Variants in TUBGCP3 observed in about 807,000 individuals in gnomAD.
The protein encoded by TUBGCP3 is gamma-tubulin complex component 3.
Under a neutral mutation model 123.1 loss-of-function variants are expected in TUBGCP3, and 50 were observed. The ratio of observed to expected loss-of-function variants is 0.41; its 90% CI spans 0.32 to 0.51. TUBGCP3 has a LOEUF of 0.51. Among genes scored for constraint, TUBGCP3 ranks in the 20% least tolerant of loss-of-function variants. The probability of loss-of-function intolerance (pLI) is 0.36; values close to 1 mark genes in which losing one functional copy is unlikely to be tolerated. For synonymous variants in TUBGCP3, 405 were observed against 413.9 expected (o/e 0.98, Z 0.26); for missense variants, 882 against 1,127.0 (o/e 0.78, Z 3.11).
intron 1 of TUBGCP3, among the ~76,000 whole-genome samples, chr13:112,580,515 T>A (rs769899491): frequency 5.9e-5 from 9 of 152,010 alleles, no homozygotes; most frequent in African/African-American, 1.4e-4. Context: ...TAATAAATTT[T>A]AAAAAAAGGA....
At chr13:112,589,850 T>C (rs1368936758), upstream of TUBGCP3, among the ~76,000 whole-genome samples, 2 of 152,206 alleles carry the variant, frequency 1.3e-5, no homozygotes, top group Non-Finnish European at 1.5e-5. Flanking sequence ...GTTAGATTTT[T>C]ATGTAAAATT....
chr13:112,521,395 C>G (rs1876610827), intron 14 of TUBGCP3, among the ~76,000 whole-genome samples: 1 of 152,212 alleles, frequency 6.6e-6, no homozygotes, highest in Admixed American at 6.5e-5. Flanking sequence ...ATGTAAGAGC[C>G]TGCATGTCTC....
At chr13:112,542,631 A>G (rs1693047358) in intron 11 of TUBGCP3, among the ~76,000 whole-genome samples, 2 of 152,206 alleles carry the variant, frequency 1.3e-5, no homozygotes, top group Non-Finnish European at 2.9e-5. Flanking sequence ...ATGTATATGT[A>G]TTTTAACATT....
At chr13:112,517,949 T>C (rs1453562931) in intron 16 of TUBGCP3, among the ~76,000 whole-genome samples, 1 of 152,218 alleles carries the variant, frequency 6.6e-6, no homozygotes, top group African/African-American at 2.4e-5. Flanking sequence ...TTTTGCATTG[T>C]AACTATTTTA....
At chr13:112,538,393 C>T (rs1878243587) in intron 11 of TUBGCP3, among the ~76,000 whole-genome samples, 1 of 152,208 alleles carries the variant, frequency 6.6e-6, no homozygotes, top group African/African-American at 2.4e-5. Context: ...GTTTATCCTA[C>T]TTTTGAGAGT....
At chr13:112,490,840 T>C (rs1188382484) in intron 20 of TUBGCP3, among the ~76,000 whole-genome samples, 1 of 152,250 alleles carries the variant, frequency 6.6e-6, no homozygotes, top group African/African-American at 2.4e-5. Context: ...TCAGCACAGC[T>C]GACCTGACGC....
At chr13:112,489,943 C>T in intron 20 of TUBGCP3, 1 of 531,724 alleles carries the variant, frequency 1.9e-6, no homozygotes, top group South Asian at 2.6e-5. Flanking sequence ...TTTTTAATAT[C>T]ACATTGTATA....
At chr13:112,584,416 C>G (rs754879369) in intron 1 of TUBGCP3, among the ~76,000 whole-genome samples, 2 of 152,176 alleles carry the variant, frequency 1.3e-5, no homozygotes, top group Non-Finnish European at 2.9e-5. Flanking sequence ...TAATGTATAT[C>G]TTAATATACA....
chr13:112,499,014 A>G, intron 20 of TUBGCP3, 31 bp downstream of exon 20: 2 of 1,614,198 alleles, frequency 1.2e-6, no homozygotes, highest in Non-Finnish European at 1.7e-6. Context: ...CATTATTCAA[A>G]TAGATAAATT....
At chr13:112,571,817 C>T (rs906330687) in intron 1 of TUBGCP3, among the ~76,000 whole-genome samples, 1 of 152,238 alleles carries the variant, frequency 6.6e-6, no homozygotes, top group African/African-American at 2.4e-5. Context: ...GCAGGTGCTG[C>T]TTCACCTTGC....
intron 21 of TUBGCP3, among the ~76,000 whole-genome samples, chr13:112,489,334 C>A (rs577021439): frequency 6.6e-6 from 1 of 152,264 alleles, no homozygotes; most frequent in Non-Finnish European, 1.5e-5. Flanking sequence ...CCCGGGTGCC[C>A]GCATCCCACC....
Position 112,519,000 on chromosome 13 carries a change from T to A in TUBGCP3, c.1925A>T (p.Tyr642Phe), listed in dbSNP as rs774507333. 6.2e-7 allele frequency: 1 copy of A among 1,614,086 alleles called. No individual in the cohort carries two copies. Among genetic ancestry groups the A allele is most frequent in the Admixed American group, 1.7e-5 (1 of 60,028 alleles). ...AGTTGCAATTGGTCCGTCAACATGA[T>A]AATCGAGGCTGAAGACATCCCATCC... The part of the protein sequence containing the change: ...DTGWDVFSLD[Y>F]HVDGPIATVF... Residue 642 changes from tyrosine (Y) to phenylalanine (F), a missense_variant, in exon 16 of 22, where the codon TAT (tyrosine) becomes TTT (phenylalanine). Coordinates refer to ENST00000261965, the MANE Select transcript of TUBGCP3 (RefSeq NM_006322.6).
intron 17 of TUBGCP3, among the ~76,000 whole-genome samples, chr13:112,514,933 G>T (rs1010167128): frequency 6.6e-6 from 1 of 152,200 alleles, no homozygotes; most frequent in Admixed American, 6.5e-5. Flanking sequence ...TGTACATGAG[G>T]TAATATCGTG....
chr13:112,531,609 G>A (rs930233257), intron 11 of TUBGCP3, among the ~76,000 whole-genome samples: 2 of 152,020 alleles, frequency 1.3e-5, no homozygotes, highest in African/African-American at 2.4e-5. Context: ...GAGTACAGCC[G>A]GATTTTTATC....
chr13:112,553,064 C>A (rs1879720009), intron 8 of TUBGCP3, among the ~76,000 whole-genome samples: 1 of 151,794 alleles, frequency 6.6e-6, no homozygotes, highest in South Asian at 2.1e-4. Context: ...TGCTCCTACT[C>A]CCAGCCACGT....
chr13:112,530,491 T>A (rs2139104814), intron 11 of TUBGCP3, among the ~76,000 whole-genome samples: 1 of 152,354 alleles, frequency 6.6e-6, no homozygotes, highest in East Asian at 1.9e-4. Context: ...TATAGGTGGA[T>A]GTTTTCCAAC....
chr13:112,601,798 A>G, the TUBGCP3 span, among the ~76,000 whole-genome samples: 2 of 152,208 alleles, frequency 1.3e-5, no homozygotes, highest in Non-Finnish European at 2.9e-5. Flanking sequence ...CTTGTGGCCA[A>G]TCAAGTCTAT....
chr13:112,590,756 C>T (rs1025406493), upstream of TUBGCP3, among the ~76,000 whole-genome samples: 8 of 152,266 alleles, frequency 5.3e-5, no homozygotes, highest in African/African-American at 1.9e-4. Context: ...GCCTATCACC[C>T]CAGTCATCTG....
intron 11 of TUBGCP3, among the ~76,000 whole-genome samples, chr13:112,529,342 G>C (rs1476819315): frequency 1.3e-5 from 2 of 152,144 alleles, no homozygotes; most frequent in African/African-American, 4.8e-5. Context: ...AATATCACCA[G>C]AATTAATTAT....
Sources: gnomAD v4.1 joint callset for allele counts (sites outside exome capture counted in the v4.1 genomes callset) on GRCh38, gnomAD v4.1.1 for gene constraint, MANE v1.5 for transcripts, NCBI Gene and HGNC (gene_info 2026-07-23, HGNC 2026-07-21) for gene names.